DPP10: variants seen among roughly 807,000 people sequenced by gnomAD.
DPP10 encodes dipeptidyl peptidase like 10.
A neutral mutation model predicts 120.9 loss-of-function variants in DPP10; 33 were observed. That is an observed-to-expected ratio of 0.27 (90% CI 0.21 to 0.37). The LOEUF (loss-of-function observed/expected upper bound fraction) is 0.37, where lower values mean the gene tolerates loss of function less well. Among genes scored for constraint, DPP10 ranks in the 10% least tolerant of loss-of-function variants. The pLI is 1.00. For synonymous variants in DPP10, 337 were observed against 326.1 expected, an observed-to-expected ratio of 1.03 and a Z score of -0.36; for missense variants, 816 against 942.8, an observed-to-expected ratio of 0.87 and a Z score of 1.76.
chr2:115,118,618 C>A (rs1301095843), intron 1 of DPP10, among the ~76,000 whole-genome samples: 3 of 152,082 alleles, frequency 2.0e-5, no homozygotes, highest in African/African-American at 7.2e-5. Flanking sequence ...CACTCTGTCA[C>A]TCAGGCTGGA....
chr2:114,730,533 T>C (rs17043446), intron 1 of DPP10, among the ~76,000 whole-genome samples: 6,611 of 152,300 alleles, frequency 0.043, 172 homozygotes, highest in South Asian at 0.1. Flanking sequence ...AAACCCACAA[T>C]AGAGTCATAT....
intron 11 of DPP10, among the ~76,000 whole-genome samples, chr2:115,755,023 A>G (rs1679221120): frequency 6.6e-6 from 1 of 152,114 alleles, no homozygotes; most frequent in Non-Finnish European, 1.5e-5. Context: ...TGGCAAATGC[A>G]TATATCCCGT....
chr2:115,235,974 G>A (rs1007795804), intron 1 of DPP10, among the ~76,000 whole-genome samples: 6 of 152,062 alleles, frequency 3.9e-5, no homozygotes, highest in Non-Finnish European at 7.4e-5. Context: ...TACTCCCTAA[G>A]TCTCAACTCT....
chr2:115,200,452 A>G (rs2055618552), intron 1 of DPP10, among the ~76,000 whole-genome samples: 1 of 152,218 alleles, frequency 6.6e-6, no homozygotes, highest in Admixed American at 6.5e-5. Context: ...CAGATTAAAA[A>G]TGAAGGTTAA....
At chr2:115,561,103 C>G (rs563482420) in intron 5 of DPP10, among the ~76,000 whole-genome samples, 1 of 152,056 alleles carries the variant, frequency 6.6e-6, no homozygotes, top group Non-Finnish European at 1.5e-5. Flanking sequence ...AATCCCAGCA[C>G]TTTGGGAGGC....
At chr2:115,698,986 A>T (rs570930224) in intron 7 of DPP10, among the ~76,000 whole-genome samples, 2 of 149,542 alleles carry the variant, frequency 1.3e-5, no homozygotes, top group Non-Finnish European at 3.0e-5. Context: ...CTTCAAAAAA[A>T]TCAACTAAAT....
intron 1 of DPP10, among the ~76,000 whole-genome samples, chr2:114,468,274 T>C (rs10166587): frequency 1.3e-5 from 2 of 151,414 alleles, no homozygotes; most frequent in African/African-American, 4.9e-5. Context: ...ATGTCAAAAG[T>C]AGTAGCAAGA....
chr2:115,425,701 TA>T (rs1282644607), intron 3 of DPP10, among the ~76,000 whole-genome samples: 2 of 152,184 alleles, frequency 1.3e-5, no homozygotes, highest in Admixed American at 6.6e-5. Context: ...ATTGATAGTG[TA>T]TTTGGCCATT....
intron 1 of DPP10, among the ~76,000 whole-genome samples, chr2:114,443,745 G>A (rs1268824009): frequency 6.6e-6 from 1 of 150,910 alleles, no homozygotes; most frequent in Non-Finnish European, 1.5e-5. Context: ...TCCTGACAGG[G>A]CATCTTTAGT....
intron 3 of DPP10, among the ~76,000 whole-genome samples, chr2:115,377,869 G>A (rs1477567138): frequency 6.6e-6 from 1 of 152,146 alleles, no homozygotes; most frequent in Non-Finnish European, 1.5e-5. Flanking sequence ...TTGCAGATAT[G>A]TGGCATTATT....
chr2:115,734,416 G>A (rs887768207), intron 8 of DPP10, among the ~76,000 whole-genome samples: 2 of 152,004 alleles, frequency 1.3e-5, no homozygotes, highest in African/African-American at 2.4e-5. Context: ...CCAGCACTGG[G>A]AGGCCGAGGT....
At chr2:114,677,522 T>A (rs969629662) in intron 1 of DPP10, among the ~76,000 whole-genome samples, 2 of 152,126 alleles carry the variant, frequency 1.3e-5, no homozygotes, top group Non-Finnish European at 2.9e-5. Flanking sequence ...TGCTAGCCAC[T>A]TCACACATAG....
chr2:115,483,195 A>T (rs1199365925), intron 3 of DPP10, among the ~76,000 whole-genome samples: 1 of 152,118 alleles, frequency 6.6e-6, no homozygotes, highest in Non-Finnish European at 1.5e-5. Flanking sequence ...TTTATTGGAT[A>T]CATACTCTGT....
intron 9 of DPP10, among the ~76,000 whole-genome samples, chr2:115,740,450 A>T (rs1304656323): frequency 1.3e-5 from 2 of 152,046 alleles, no homozygotes; most frequent in African/African-American, 4.8e-5. Flanking sequence ...GACCAAGTAT[A>T]AAAAAATCAC....
intron 1 of DPP10, among the ~76,000 whole-genome samples, chr2:114,552,337 AT>A (rs1687950573): frequency 1.4e-5 from 1 of 71,376 alleles, no homozygotes; most frequent in Admixed American, 2.0e-4. Context: ...ATTGATTCCC[AT>A]TACAAGTTTG....
intron 7 of DPP10, among the ~76,000 whole-genome samples, chr2:115,722,761 A>G (rs759135691): frequency 1.3e-5 from 2 of 151,996 alleles, no homozygotes; most frequent in African/African-American, 4.8e-5. Flanking sequence ...GCTATATTGT[A>G]CAAGCAACTA....
chr2:114,668,653 A>G (rs1321298331), intron 1 of DPP10, among the ~76,000 whole-genome samples: 1 of 152,196 alleles, frequency 6.6e-6, no homozygotes, highest in Non-Finnish European at 1.5e-5. Flanking sequence ...GTAAAACCTG[A>G]TACTTGTTTA....
intron 10 of DPP10, chr2:115,750,144 G>T: frequency 1.0e-6 from 1 of 985,394 alleles, no homozygotes; most frequent in Non-Finnish European, 1.2e-6. Flanking sequence ...GGAGTTCCAG[G>T]AGGACAGCTA....
At chr2:115,001,904 A>G (rs2105007545) in intron 1 of DPP10, among the ~76,000 whole-genome samples, 1 of 152,338 alleles carries the variant, frequency 6.6e-6, no homozygotes, top group African/African-American at 2.4e-5. Context: ...ATGGAAAAAC[A>G]TTCTATGCTC....
Sources: allele counts gnomAD v4.1 joint callset (sites outside exome capture counted in the v4.1 genomes callset), GRCh38; gene constraint gnomAD v4.1.1; transcripts MANE v1.5; gene names NCBI Gene and HGNC (gene_info 2026-07-23, HGNC 2026-07-21).